DRC8: variants seen among roughly 807,000 people sequenced by gnomAD.
DRC8 encodes dynein regulatory complex protein 8.
the DRC8 span, among the ~76,000 whole-genome samples, chr1:245,055,797 A>G: frequency 6.6e-6 from 1 of 152,292 alleles, no homozygotes; most frequent in East Asian, 1.9e-4. Flanking sequence ...CTCGCTGCCT[A>G]TCCCTGGGTC....
the DRC8 span, among the ~76,000 whole-genome samples, chr1:245,068,282 A>G: frequency 6.6e-6 from 1 of 152,220 alleles, no homozygotes; most frequent in Non-Finnish European, 1.5e-5. Flanking sequence ...TTCTTATTGT[A>G]TAGGTAATAT....
the DRC8 span, among the ~76,000 whole-genome samples, chr1:245,106,140 C>A: frequency 1.3e-5 from 2 of 152,186 alleles, no homozygotes; most frequent in Non-Finnish European, 2.9e-5. Context: ...TTGCCTGTAT[C>A]CCTTATGAGA....
At chr1:245,025,371 C>T in the DRC8 span, among the ~76,000 whole-genome samples, 7 of 152,190 alleles carry the variant, frequency 4.6e-5, no homozygotes, top group Admixed American at 6.5e-5. Context: ...TTCTATGTGT[C>T]ACCCTCTTTT....
the DRC8 span, among the ~76,000 whole-genome samples, chr1:245,096,240 C>CCACT: frequency 9.8e-5 from 15 of 152,320 alleles, no homozygotes; most frequent in African/African-American, 3.6e-4. Flanking sequence ...TTAGAATGAG[C>CCACT]CACTATTGCA....
the DRC8 span, among the ~76,000 whole-genome samples, chr1:245,058,283 GA>G: frequency 0.011 from 1,700 of 150,474 alleles, 32 homozygotes; most frequent in African/African-American, 0.039. Context: ...CTATATGAAA[GA>G]AAAAAAACAA....
chr1:244,970,441 A>C, the DRC8 span: 1 of 1,532,380 alleles, frequency 6.5e-7, no homozygotes, highest in Non-Finnish European at 8.7e-7. Flanking sequence ...AAGGACAGGG[A>C]AGGTAAGGTA....
At chr1:245,018,839 T>C in the DRC8 span, among the ~76,000 whole-genome samples, 1 of 152,194 alleles carries the variant, frequency 6.6e-6, no homozygotes, top group East Asian at 1.9e-4. Flanking sequence ...GGTTAAGGGT[T>C]GGCATCTCCG....
At chr1:245,117,952 A>G in the DRC8 span, among the ~76,000 whole-genome samples, 5 of 152,068 alleles carry the variant, frequency 3.3e-5, no homozygotes, top group African/African-American at 1.2e-4. Flanking sequence ...TGGGTGACAG[A>G]GTGAGACTCT....
At chr1:245,119,757 C>T in the DRC8 span, among the ~76,000 whole-genome samples, 1 of 151,906 alleles carries the variant, frequency 6.6e-6, no homozygotes, top group African/African-American at 2.4e-5. Context: ...CATGGTGAAG[C>T]CCCGTCTCTA....
chr1:245,102,726 A>G, the DRC8 span, among the ~76,000 whole-genome samples: 1 of 152,382 alleles, frequency 6.6e-6, no homozygotes, highest in Non-Finnish European at 1.5e-5. Context: ...AAAAACATAC[A>G]AAACAGAGTA....
the DRC8 span, chr1:245,082,309 C>G: frequency 1.6e-6 from 1 of 641,586 alleles, no homozygotes; most frequent in Non-Finnish European, 2.7e-6. Flanking sequence ...CAAGCTACTT[C>G]TGAACTGGCA....
At chr1:245,048,736 T>C in the DRC8 span, among the ~76,000 whole-genome samples, 3 of 152,164 alleles carry the variant, frequency 2.0e-5, no homozygotes, top group Non-Finnish European at 1.5e-5. Context: ...ATTATTGTTA[T>C]TTTCATCATC....
chr1:245,103,732 C>T, the DRC8 span, among the ~76,000 whole-genome samples: 3 of 152,048 alleles, frequency 2.0e-5, no homozygotes, highest in Non-Finnish European at 4.4e-5. Flanking sequence ...GAGAGGGGAC[C>T]GGAGGAGGGT....
the DRC8 span, among the ~76,000 whole-genome samples, chr1:244,991,122 C>G: frequency 6.6e-6 from 1 of 152,262 alleles, no homozygotes; most frequent in African/African-American, 2.4e-5. Flanking sequence ...TTGGGGGTTT[C>G]CATAACCCCC....
At chr1:245,084,071 C>CCA in the DRC8 span, among the ~76,000 whole-genome samples, 1 of 118,574 alleles carries the variant, frequency 8.4e-6, no homozygotes, top group Non-Finnish European at 1.8e-5. Flanking sequence ...CGCCCCCCCC[C>CCA]CGGCGCCCCG....
the DRC8 span, among the ~76,000 whole-genome samples, chr1:245,047,272 A>G: frequency 3.3e-5 from 5 of 152,348 alleles, no homozygotes; most frequent in East Asian, 3.9e-4. Flanking sequence ...CAATTAACAC[A>G]TATTTTATAT....
At chr1:245,116,144 TC>T in the DRC8 span, among the ~76,000 whole-genome samples, 1 of 151,766 alleles carries the variant, frequency 6.6e-6, no homozygotes, top group African/African-American at 2.4e-5. Flanking sequence ...TGCCTCAGTC[TC>T]TCAAAGTGCT....
the DRC8 span, among the ~76,000 whole-genome samples, chr1:244,979,829 T>C: frequency 1.1e-4 from 17 of 151,926 alleles, no homozygotes. Flanking sequence ...CTTGAAATTG[T>C]GAAGACTCAA....
At chr1:245,041,841 C>T in the DRC8 span, among the ~76,000 whole-genome samples, 2 of 152,034 alleles carry the variant, frequency 1.3e-5, no homozygotes, top group Non-Finnish European at 2.9e-5. Context: ...CAGGTGAGGG[C>T]ACAGGGAGAA....
Sources: allele counts gnomAD v4.1 joint callset (sites outside exome capture counted in the v4.1 genomes callset), GRCh38; gene constraint gnomAD v4.1.1; transcripts MANE v1.5; gene names NCBI Gene and HGNC (gene_info 2026-07-23, HGNC 2026-07-21).